Variants in CEPT1 observed in about 807,000 individuals in gnomAD.
CEPT1 encodes the protein choline/ethanolaminephosphotransferase 1.
Under a neutral mutation model 42.6 loss-of-function variants are expected in CEPT1, and 7 were observed. That is an observed-to-expected ratio of 0.16 (90% CI 0.09 to 0.31). The LOEUF is 0.31. CEPT1 is among the 10% of genes least tolerant of loss of function. The pLI, the probability that CEPT1 is intolerant of heterozygous loss-of-function variation, is 1.00. For synonymous variants in CEPT1, 171 were observed against 171.9 expected, an observed-to-expected ratio of 0.99 and a Z score of 0.04; for missense variants, 306 against 502.1, an observed-to-expected ratio of 0.61 and a Z score of 3.73.
intron 1 of CEPT1, among the ~76,000 whole-genome samples, chr1:111,141,528 T>C (rs1277725430): frequency 7.2e-5 from 11 of 152,216 alleles, no homozygotes; most frequent in Admixed American, 7.2e-4. Context: ...TTGAGGGTCA[T>C]GCTGTGTTTA....
chr1:111,146,146 G>A (rs1240269260), intron 1 of CEPT1, among the ~76,000 whole-genome samples: 2 of 149,714 alleles, frequency 1.3e-5, no homozygotes, highest in Non-Finnish European at 3.0e-5. Flanking sequence ...TTCTCACAAG[G>A]TTCTTTATTC....
chr1:111,183,565 A>G lies in CEPT1; in HGVS notation c.1109A>G (p.Tyr370Cys), dbSNP rs910324308. 23 of 1,612,830 alleles carry G rather than the reference A, an allele frequency of 1.4e-5. No homozygotes were observed. The highest frequency in any genetic ancestry group is 2.0e-5 in the Non-Finnish European group (23 of 1,179,048). ...TATTTTAACAGCTTTATTGATGAAT[A>G]TATTGTACTTTGGATTGCCCTGGTA... is the stretch of plus-strand genomic sequence containing the variant. ...DQYFNSFIDE[Y>C]IVLWIALVFS... is the part of the protein sequence containing the mutation. The change falls in exon 8 of 9, where the codon TAT becomes TGT. Residue 370 changes from tyrosine (Y) to cysteine (C), a missense_variant. Around this residue, in one of 2 missense-constraint regions of CEPT1, gnomAD observed 253 missense variants for 447.3 expected, o/e 0.57. Coordinates refer to ENST00000357172, the MANE Select transcript of CEPT1 (RefSeq NM_006090.5).
chr1:111,168,082 T>C, intron 4 of CEPT1, among the ~76,000 whole-genome samples: 1 of 152,022 alleles, frequency 6.6e-6, no homozygotes. Context: ...CTGTGTTGCC[T>C]AGGATGGTCT....
In CEPT1 at chr1:111,169,448, C is replaced by T. The variant is rs577460954; in HGVS notation, c.630-5431C>T. 1.2e-4 allele frequency among the ~76,000 whole-genome samples: 19 copies of T among 152,132 alleles called. No individual in the cohort carries two copies. The East Asian group carries it at 3.5e-3, about 28-fold the overall frequency. On this transcript the variant is annotated intron_variant, in intron 4 of 8. Transcript: ENST00000357172. Reference sequence around the variant, plus strand: ...TGTTTGTCTATGATAACAAAGTACCCGATATCTACTTTCACCTTGTTTGTC... The same window carrying T: ...TGTTTGTCTATGATAACAAAGTACCTGATATCTACTTTCACCTTGTTTGTC...
At chr1:111,148,097 A>T in intron 2 of CEPT1, 44 bp downstream of exon 2, 1 of 1,472,604 alleles carries the variant, frequency 6.8e-7, no homozygotes, top group Non-Finnish European at 9.4e-7. Context: ...ATATACCAAA[A>T]ACGTTGTAAT....
intron 7 of CEPT1, 110 bp from the exon 8 acceptor site, chr1:111,183,352 C>T (rs560949195): frequency 1.6e-6 from 2 of 1,250,766 alleles, no homozygotes; most frequent in Non-Finnish European, 2.2e-6. Flanking sequence ...AATTCAACAG[C>T]TATTCCTAAA....
chr1:111,176,897 TA>T (rs1383049241), intron 5 of CEPT1, among the ~76,000 whole-genome samples: 1 of 152,210 alleles, frequency 6.6e-6, no homozygotes, highest in Non-Finnish European at 1.5e-5. Flanking sequence ...ATACTACTGT[TA>T]AGCAATCATT....
intron 4 of CEPT1, chr1:111,173,072 T>C (rs1435992976): frequency 1.3e-5 from 2 of 152,250 alleles, no homozygotes; most frequent in African/African-American, 4.8e-5. Flanking sequence ...CCTCCATTTT[T>C]ATTTTGTAAT....
intron 4 of CEPT1, among the ~76,000 whole-genome samples, chr1:111,166,679 G>GT (rs1412998933): frequency 2.0e-5 from 3 of 152,120 alleles, no homozygotes; most frequent in Non-Finnish European, 2.9e-5. Flanking sequence ...ATGGATTAGT[G>GT]TTTTTTCAAA....
At chr1:111,165,283 C>T (rs1426824870) in intron 4 of CEPT1, among the ~76,000 whole-genome samples, 2 of 151,488 alleles carry the variant, frequency 1.3e-5, no homozygotes, top group African/African-American at 2.4e-5. Flanking sequence ...CTCCTGACCT[C>T]GTGATCCGCC....
At chr1:111,139,912 CG>C (rs1654213135), upstream of CEPT1, 3 of 152,322 alleles carry the variant, frequency 2.0e-5, no homozygotes. Context: ...GCCTGCGACG[CG>C]GGTAAGGGGG....
chr1:111,167,999 T>G lies in CEPT1; in HGVS notation c.629+6703T>G, dbSNP rs1388317215. ...CCTTGAAACTCCTGAACTGAAGTGCTCCTCTCACCTCACCTTTCTGCACTG... is the reference window on the plus strand; with the variant it reads ...CCTTGAAACTCCTGAACTGAAGTGCGCCTCTCACCTCACCTTTCTGCACTG... On this transcript the variant is annotated intron_variant, in intron 4 of 8. Coordinates refer to ENST00000357172, the MANE Select transcript of CEPT1 (RefSeq NM_006090.5). The G allele has an allele frequency of 4.6e-5, 8 of 173,422 alleles. No individual in the cohort carries two copies. In the South Asian group the frequency reaches 1.3e-3, roughly 29 times the overall value. The allele number at this position is 173,422 out of a possible 1,614,324, so 10.7% of individuals were successfully genotyped here. A position where few individuals can be genotyped will look rare whatever the true frequency, so the allele number is the denominator to read the frequency against.
At chr1:111,175,295 A>G (rs1656620787) in intron 5 of CEPT1, among the ~76,000 whole-genome samples, 1 of 152,162 alleles carries the variant, frequency 6.6e-6, no homozygotes, top group Admixed American at 6.6e-5. Context: ...TCTTAACTAC[A>G]TGAGTCTACT....
chr1:111,160,189 T>TA (rs1312283179), intron 3 of CEPT1: 1 of 152,216 alleles, frequency 6.6e-6, no homozygotes, highest in African/African-American at 2.4e-5. Flanking sequence ...TTATAAGTGA[T>TA]ATCTCTTTAT....
At chr1:111,158,016 A>C (rs929384379) in intron 2 of CEPT1, among the ~76,000 whole-genome samples, 1 of 152,216 alleles carries the variant, frequency 6.6e-6, no homozygotes, top group Non-Finnish European at 1.5e-5. Context: ...GGATAAATCA[A>C]ATAAGACCTC....
intron 1 of CEPT1, among the ~76,000 whole-genome samples, chr1:111,141,644 A>G (rs1654582386): frequency 6.6e-6 from 1 of 152,070 alleles, no homozygotes; most frequent in East Asian, 1.9e-4. Context: ...TTCCTCTTTT[A>G]AGGAGTGCAA....
At chr1:111,156,480 G>C (rs1260108774) in intron 2 of CEPT1, among the ~76,000 whole-genome samples, 1 of 152,112 alleles carries the variant, frequency 6.6e-6, no homozygotes, top group African/African-American at 2.4e-5. Flanking sequence ...TTTAAATCAG[G>C]GGTGTCTAAT....
At chr1:111,150,193 T>C (rs1337257808) in intron 2 of CEPT1, among the ~76,000 whole-genome samples, 1 of 152,216 alleles carries the variant, frequency 6.6e-6, no homozygotes, top group Admixed American at 6.5e-5. Context: ...AAATAGGTCT[T>C]GGTTGTTTTC....
intron 1 of CEPT1, among the ~76,000 whole-genome samples, chr1:111,141,020 T>C (rs1377142681): frequency 6.6e-6 from 1 of 152,222 alleles, no homozygotes; most frequent in Non-Finnish European, 1.5e-5. Flanking sequence ...GGTGTCATTT[T>C]TGCCATTTTG....
Sources: gnomAD v4.1 joint callset for allele counts (sites outside exome capture counted in the v4.1 genomes callset) on GRCh38, gnomAD v4.1.1 for gene constraint, gnomAD v4.1.1 regional missense constraint, MANE v1.5 for transcripts, NCBI Gene and HGNC (gene_info 2026-07-23, HGNC 2026-07-21) for gene names.